Variants in GTF2A1 observed in about 807,000 individuals in gnomAD.
GTF2A1 encodes transcription initiation factor IIA subunit 1.
A neutral mutation model predicts 54.1 loss-of-function variants in GTF2A1; 12 were observed. That is an observed-to-expected ratio of 0.22 (90% CI 0.14 to 0.36). The LOEUF (loss-of-function observed/expected upper bound fraction) is 0.36, where lower values mean the gene tolerates loss of function less well. Ranked by LOEUF, GTF2A1 falls within the 10% of genes least tolerant of loss-of-function variation. The probability of loss-of-function intolerance (pLI) is 1.00; values close to 1 mark genes in which losing one functional copy is unlikely to be tolerated. For missense variants in GTF2A1, 335 were observed against 442.2 expected (o/e 0.76, Z 2.17); for synonymous variants, 145 against 152.0 (o/e 0.95, Z 0.34).
At chr14:81,204,149 G>C in intron 2 of GTF2A1, 45 bp from the exon 3 acceptor site, 1 of 1,222,638 alleles carries the variant, frequency 8.2e-7, no homozygotes, top group Non-Finnish European at 1.2e-6. Flanking sequence ...AAATAACTCT[G>C]GACAGATGAA....
intron 1 of GTF2A1, among the ~76,000 whole-genome samples, chr14:81,220,139 G>A (rs1316412162): frequency 4.0e-5 from 6 of 151,306 alleles, no homozygotes; most frequent in Admixed American, 3.3e-4. Flanking sequence ...GGGCCCCTCG[G>A]GGGGAAGCGG....
At chr14:81,203,170 T>A (rs1893151078) in intron 3 of GTF2A1, among the ~76,000 whole-genome samples, 1 of 152,226 alleles carries the variant, frequency 6.6e-6, no homozygotes, top group South Asian at 2.1e-4. Flanking sequence ...TTTCCTCAGC[T>A]GTAAAACTGA....
At chr14:81,219,535 G>A (rs1318095473) in intron 1 of GTF2A1, among the ~76,000 whole-genome samples, 1 of 152,240 alleles carries the variant, frequency 6.6e-6, no homozygotes, top group Non-Finnish European at 1.5e-5. Context: ...AGGGTAAGCG[G>A]CCGCAGCCAT....
At chr14:81,193,027 T>C (rs555465337) in intron 6 of GTF2A1, among the ~76,000 whole-genome samples, 188 bp from the exon 7 acceptor site, 1 of 152,328 alleles carries the variant, frequency 6.6e-6, no homozygotes, top group Admixed American at 6.5e-5. Flanking sequence ...TTATCAAATT[T>C]CTAGAAAATA....
intron 6 of GTF2A1, among the ~76,000 whole-genome samples, chr14:81,195,589 G>C (rs189337174): frequency 2.2e-5 from 3 of 139,008 alleles, no homozygotes; most frequent in African/African-American, 8.2e-5. Flanking sequence ...CTGAGATCGC[G>C]CCACTGCACT....
intron 3 of GTF2A1, among the ~76,000 whole-genome samples, chr14:81,202,211 A>C (rs9806020): frequency 0.77 from 117,846 of 152,082 alleles, 46,473 homozygotes; most frequent in African/African-American, 0.89. Flanking sequence ...TCTAAACATA[A>C]ATAGTTCTAT....
chr14:81,218,525 A>G (rs1893536988), intron 1 of GTF2A1, among the ~76,000 whole-genome samples: 1 of 152,182 alleles, frequency 6.6e-6, no homozygotes, highest in African/African-American at 2.4e-5. Flanking sequence ...TGAAATAAGC[A>G]ATTTCTAAAT....
chr14:81,204,312 TAC>T, intron 2 of GTF2A1: 1 of 705,402 alleles, frequency 1.4e-6, no homozygotes, highest in Non-Finnish European at 2.6e-6. Context: ...CACATCAGAG[TAC>T]TGAAGATTTT....
chr14:81,213,912 G>C (rs544113164), intron 2 of GTF2A1, among the ~76,000 whole-genome samples: 1 of 148,950 alleles, frequency 6.7e-6, no homozygotes, highest in Admixed American at 6.7e-5. Flanking sequence ...GCATGATCTC[G>C]GCTCACTGCA....
chr14:81,190,717 A>T (rs1372932016), intron 7 of GTF2A1, among the ~76,000 whole-genome samples: 2 of 152,162 alleles, frequency 1.3e-5, no homozygotes, highest in Non-Finnish European at 2.9e-5. Flanking sequence ...CATGGAAAAG[A>T]TTACTTTTCA....
chr14:81,202,081 G>C (rs968363867), intron 3 of GTF2A1, among the ~76,000 whole-genome samples: 1 of 151,328 alleles, frequency 6.6e-6, no homozygotes, highest in East Asian at 1.9e-4. Context: ...AGTAAGCTGA[G>C]ATCACGCCAC....
intron 2 of GTF2A1, among the ~76,000 whole-genome samples, chr14:81,210,238 T>A (rs1213780805): frequency 6.6e-6 from 1 of 152,200 alleles, no homozygotes; most frequent in African/African-American, 2.4e-5. Context: ...AAAAAGAGTA[T>A]CATACAAATA....
chr14:81,214,371 A>C (rs2140041861), intron 2 of GTF2A1, among the ~76,000 whole-genome samples: 1 of 152,132 alleles, frequency 6.6e-6, no homozygotes, highest in South Asian at 2.1e-4. Context: ...CCCGGCCGGG[A>C]GCGGTGGCTC....
chr14:81,180,180 T>G lies in GTF2A1; in HGVS notation c.*43A>C. 1.2e-6 allele frequency: 1 copy of G among 837,118 alleles called. No homozygotes were observed. Among genetic ancestry groups the G allele is most frequent in the South Asian group, 1.6e-5 (1 of 60,896 alleles). The allele number at this position is 837,118 out of a possible 1,614,324, so 51.9% of individuals were successfully genotyped here. On this transcript the variant is annotated 3_prime_UTR_variant, in exon 9 of 9. Coordinates refer to ENST00000553612, the MANE Select transcript of GTF2A1 (RefSeq NM_015859.4). ...AGTTTCAAACTGTCCGCTTTACATT[T>G]TTTTTAAGTTTCTTTTATTTATAAA... is the stretch of plus-strand genomic sequence containing the variant.
Position 81,192,622 on chromosome 14 carries a change from C to A in GTF2A1, c.830G>T (p.Gly277Val). 6.2e-7 allele frequency: 1 copy of A among 1,611,060 alleles called. No homozygotes were observed. The highest frequency in any genetic ancestry group is 8.5e-7 in the Non-Finnish European group (1 of 1,177,160). ...APLVLQVDGT[G>V]DTSSEEDEDE... ...TTCATCTTCTTCAGATGATGTATCC[C>A]CAGTTCCATCAACTTGTAAGACCAA... Residue 277 changes from glycine (G) to valine (V), a missense_variant, in exon 7 of 9, where the codon GGG (glycine) becomes GTG (valine). This residue lies in a region of GTF2A1 where 306 missense variants were observed against 360.4 expected (regional missense o/e 0.85). Coordinates refer to ENST00000553612, the MANE Select transcript of GTF2A1 (RefSeq NM_015859.4).
At chr14:81,202,596 AGG>A (rs1893137832) in intron 3 of GTF2A1, 1 of 497,400 alleles carries the variant, frequency 2.0e-6, no homozygotes, top group East Asian at 5.5e-5. Context: ...TCCTGAAAGC[AGG>A]GGACCACCAG....
At chr14:81,187,349 C>T (rs1013321366) in intron 7 of GTF2A1, among the ~76,000 whole-genome samples, 12 of 142,096 alleles carry the variant, frequency 8.4e-5, no homozygotes, top group African/African-American at 3.4e-4. Context: ...AGTGAAACTC[C>T]GTCTCAAAAA....
At chr14:81,217,169 C>T (rs774558983) in intron 1 of GTF2A1, among the ~76,000 whole-genome samples, 17 of 152,218 alleles carry the variant, frequency 1.1e-4, no homozygotes, top group Middle Eastern at 6.8e-3. Flanking sequence ...TAAATGTTTA[C>T]TATTATTATT....
chr14:81,200,418 G>A (rs1398770659), intron 4 of GTF2A1, among the ~76,000 whole-genome samples: 1 of 152,022 alleles, frequency 6.6e-6, no homozygotes, highest in African/African-American at 2.4e-5. Flanking sequence ...GAGGTGAGGA[G>A]TTGGGCGACC....
Sources: gnomAD v4.1 joint callset for allele counts (sites outside exome capture counted in the v4.1 genomes callset) on GRCh38, gnomAD v4.1.1 for gene constraint, gnomAD v4.1.1 regional missense constraint, MANE v1.5 for transcripts, NCBI Gene and HGNC (gene_info 2026-07-23, HGNC 2026-07-21) for gene names.